The following PDZD2 variants were observed in gnomAD, a reference collection of about 807,000 sequenced individuals.
PDZD2 encodes PDZ domain containing 2.
PDZD2 carries 90 observed loss-of-function variants against 220.7 expected under a neutral mutation model. The ratio of observed to expected loss-of-function variants is 0.41; its 90% confidence interval spans 0.34 to 0.49. The LOEUF (loss-of-function observed/expected upper bound fraction) is 0.49, where lower values mean the gene tolerates loss of function less well. Among genes scored for constraint, PDZD2 ranks in the 20% least tolerant of loss-of-function variants. PDZD2 has a pLI of 0.28. For synonymous variants in PDZD2, 1,375 were observed against 1,450.5 expected, an observed-to-expected ratio of 0.95 and a Z score of 1.18; for missense variants, 3,174 against 3,608.5, an observed-to-expected ratio of 0.88 and a Z score of 3.08.
intron 21 of PDZD2, among the ~76,000 whole-genome samples, chr5:32,095,924 T>TA (rs1554043374): frequency 6.7e-6 from 1 of 148,544 alleles, no homozygotes; most frequent in Non-Finnish European, 1.5e-5. Flanking sequence ...TTTTTTTTTT[T>TA]AGTAGAGACG....
chr5:31,892,779 A>T (rs1741170221), intron 2 of PDZD2, among the ~76,000 whole-genome samples: 1 of 149,122 alleles, frequency 6.7e-6, no homozygotes. Flanking sequence ...CTATGTTGCT[A>T]AGGCTGGTTT....
chr5:31,873,019 C>T (rs149204524), intron 2 of PDZD2, among the ~76,000 whole-genome samples: 8 of 152,130 alleles, frequency 5.3e-5, no homozygotes, highest in Non-Finnish European at 7.4e-5. Flanking sequence ...AAGTACACTG[C>T]GTGATTTTTA....
At chr5:31,944,148 C>T (rs1219912191) in intron 2 of PDZD2, among the ~76,000 whole-genome samples, 1 of 152,204 alleles carries the variant, frequency 6.6e-6, no homozygotes, top group East Asian at 1.9e-4. Flanking sequence ...AATTGGTTTT[C>T]TTTGTAATCC....
Position 31,854,043 on chromosome 5 carries a change from C to G in PDZD2, c.476+54319C>G, listed in dbSNP as rs534526525. ...GACGCTTTTACTTTTCAACAAGTGT[C>G]AGGAGTGGAAAAATGGAAGAGAATA... On this transcript the variant is annotated intron_variant, in intron 2 of 24. Coordinates refer to ENST00000438447, the MANE Select transcript of PDZD2 (RefSeq NM_178140.4). 9.9e-5 allele frequency among the ~76,000 whole-genome samples: 15 copies of G among 152,258 alleles called. 1 individual carries two copies. In the South Asian group the frequency reaches 2.9e-3, roughly 29 times the overall value.
At position 31,668,812 on chromosome 5, in the gene PDZD2, GA is replaced by G. The variant is rs537872887; in HGVS notation, c.-361+29381del. 2.1e-4 allele frequency among the ~76,000 whole-genome samples: 32 copies of G among 152,180 alleles called. 1 individual carries two copies. In the East Asian group the frequency reaches 4.1e-3, roughly 19 times the overall value. ...CAGTAAATAATGAAGAATAAGAGGG[GA>G]AAAAATGTAGAAACAGCATCCCAGG... On this transcript the variant is annotated intron_variant, in intron 1 of 24. Transcript: ENST00000438447.
In PDZD2 at chr5:31,891,293, T is replaced by G. The variant is rs544976617; in HGVS notation, c.476+91569T>G. On this transcript the variant is annotated intron_variant, in intron 2 of 24. Coordinates refer to ENST00000438447, the MANE Select transcript of PDZD2 (RefSeq NM_178140.4). The stretch of plus-strand genomic sequence containing the variant: ...CTGGGGCTATAGACATGTGCCACCA[T>G]GCCCGGCTAATTTTTGTATTTTTAT... Among the ~76,000 whole-genome samples the G allele has an allele frequency of 1.7e-4, 26 of 151,978 alleles. No homozygotes were observed. In the East Asian group the frequency reaches 5.0e-3, roughly 29 times the overall value.
At chr5:31,665,050 T>A (rs1184406930) in intron 1 of PDZD2, 1 of 152,242 alleles carries the variant, frequency 6.6e-6, no homozygotes, top group Non-Finnish European at 1.5e-5. Context: ...ATATATGGAA[T>A]TGTGGTGTTT....
chr5:31,936,443 GAGATGAGC>G (rs979313776), intron 2 of PDZD2: 1 of 578,550 alleles, frequency 1.7e-6, no homozygotes, highest in Admixed American at 6.3e-5. Flanking sequence ...AATTATATGA[GAGATGAGC>G]AGGTAATAAT....
chr5:32,004,475 G>C (rs142998057), intron 5 of PDZD2, among the ~76,000 whole-genome samples: 1 of 152,182 alleles, frequency 6.6e-6, no homozygotes, highest in Admixed American at 6.5e-5. Flanking sequence ...CCTGTAATCC[G>C]TGCTACTTGG....
chr5:31,912,605 G>A (rs1446918807), intron 2 of PDZD2, among the ~76,000 whole-genome samples: 7 of 152,158 alleles, frequency 4.6e-5, no homozygotes, highest in South Asian at 4.1e-4. Context: ...CAATTGACAC[G>A]CTAGAGAAGG....
Position 32,100,699 on chromosome 5 carries a change from C to T in PDZD2, c.8219-406C>T. 3 of 385,532 alleles carry T rather than the reference C, an allele frequency of 7.8e-6. 1 individual carries two copies. The highest frequency in any genetic ancestry group is 5.8e-5 in the South Asian group (3 of 51,774). The allele number at this position is 385,532 out of a possible 1,614,324, so 23.9% of individuals were successfully genotyped here. ...CTTGGTACCAGAGGATGATCTGCTG[C>T]TGCCATTAGCAGCCAGGGTTGGCAG... On this transcript the variant is annotated intron_variant, in intron 23 of 24. Transcript: ENST00000438447.
chr5:32,057,962 A>G lies in PDZD2; in HGVS notation c.2059A>G (p.Met687Val), dbSNP rs903276249. The G allele has an allele frequency of 2.5e-6, 4 of 1,613,766 alleles. No homozygotes were observed. The highest frequency in any genetic ancestry group is 2.7e-5 in the African/African-American group (2 of 74,870). ...SLTPCSTPTH[M>V]SRSASPNFNT... is the part of the protein sequence containing the mutation. ...CACACCCTGCTCGACACCCACACAC[A>G]TGAGCAGATCCGCCTCCCCGAACTT... The change falls in exon 12 of 25, where the codon ATG (methionine) becomes GTG (valine). Residue 687 changes from methionine to valine, a missense_variant. Coordinates refer to ENST00000438447, the MANE Select transcript of PDZD2 (RefSeq NM_178140.4).
At chr5:31,777,949 G>T (rs1023403415) in intron 1 of PDZD2, among the ~76,000 whole-genome samples, 1 of 135,880 alleles carries the variant, frequency 7.4e-6, no homozygotes, top group Non-Finnish European at 1.6e-5. Context: ...CTAATCTGGT[G>T]GGGACTTGGA....
intron 2 of PDZD2, among the ~76,000 whole-genome samples, chr5:31,894,454 T>G (rs1299899296): frequency 6.6e-6 from 1 of 152,030 alleles, no homozygotes; most frequent in African/African-American, 2.4e-5. Flanking sequence ...ATAGGGCCGT[T>G]CTTGATGTTT....
intron 3 of PDZD2, among the ~76,000 whole-genome samples, chr5:31,992,680 A>G (rs1751312789): frequency 1.3e-5 from 2 of 152,156 alleles, no homozygotes; most frequent in Non-Finnish European, 2.9e-5. Flanking sequence ...TTGCGCTAAA[A>G]CCCAAATAGA....
intron 1 of PDZD2, among the ~76,000 whole-genome samples, chr5:31,744,673 A>G (rs535192216): frequency 3.5e-4 from 53 of 152,136 alleles, no homozygotes; most frequent in Middle Eastern, 3.4e-3. Flanking sequence ...TTTTGCATGC[A>G]TAATTATTGA....
At chr5:32,066,155 C>T (rs969633098) in intron 14 of PDZD2, among the ~76,000 whole-genome samples, 3 of 151,924 alleles carry the variant, frequency 2.0e-5, no homozygotes, top group African/African-American at 7.3e-5. Flanking sequence ...CCACCCAGAC[C>T]AACATGGTGA....
At chr5:32,063,364 A>C (rs1040687059) in intron 14 of PDZD2, among the ~76,000 whole-genome samples, 1 of 152,088 alleles carries the variant, frequency 6.6e-6, no homozygotes, top group Non-Finnish European at 1.5e-5. Context: ...ACTCTTTCTT[A>C]CTTACAAGTT....
chr5:31,869,542 C>T (rs1307005324), intron 2 of PDZD2, among the ~76,000 whole-genome samples: 17 of 150,788 alleles, frequency 1.1e-4, no homozygotes, highest in Non-Finnish European at 1.6e-4. Context: ...CCAGCCTGGG[C>T]GACAGAGCGA....
Sources: gnomAD v4.1 joint callset for allele counts (sites outside exome capture counted in the v4.1 genomes callset) on GRCh38, gnomAD v4.1.1 for gene constraint, MANE v1.5 for transcripts, NCBI Gene and HGNC (gene_info 2026-07-23, HGNC 2026-07-21) for gene names.